The following ABTB3 variants were observed in gnomAD, a reference collection of about 807,000 sequenced individuals.
ABTB3 encodes the protein ankyrin repeat and BTB domain containing 3.
the ABTB3 span, among the ~76,000 whole-genome samples, chr12:107,468,094 T>C: frequency 1.7e-3 from 256 of 152,240 alleles, 1 homozygote; most frequent in African/African-American, 5.7e-3. Flanking sequence ...ACGCCAGTCA[T>C]CCTCTGCTCC....
chr12:107,505,767 T>C, the ABTB3 span, among the ~76,000 whole-genome samples: 2 of 152,166 alleles, frequency 1.3e-5, no homozygotes, highest in African/African-American at 4.8e-5. Flanking sequence ...CTCCCACTTA[T>C]AAAGTGAGAA....
chr12:107,502,575 T>C, the ABTB3 span, among the ~76,000 whole-genome samples: 6 of 127,610 alleles, frequency 4.7e-5, no homozygotes, highest in East Asian at 9.8e-4. Context: ...TGAAGTGGAA[T>C]GTTTTAAATC....
the ABTB3 span, among the ~76,000 whole-genome samples, chr12:107,395,069 C>T: frequency 1.3e-5 from 2 of 152,202 alleles, no homozygotes; most frequent in Non-Finnish European, 2.9e-5. Context: ...CAGGTGCTCA[C>T]CCTCATCAGC....
chr12:107,623,407 C>T, the ABTB3 span, among the ~76,000 whole-genome samples: 1 of 142,396 alleles, frequency 7.0e-6, no homozygotes, highest in East Asian at 2.0e-4. Context: ...CACTCCGTCG[C>T]CCAGGCTGGA....
the ABTB3 span, among the ~76,000 whole-genome samples, chr12:107,361,139 C>T: frequency 1.4e-4 from 22 of 151,960 alleles, no homozygotes; most frequent in Non-Finnish European, 1.8e-4. Context: ...ATATTTCTGA[C>T]TACATGTACA....
At chr12:107,382,524 G>C in the ABTB3 span, among the ~76,000 whole-genome samples, 1 of 152,164 alleles carries the variant, frequency 6.6e-6, no homozygotes, top group Admixed American at 6.5e-5. Flanking sequence ...CTGAGACTTT[G>C]CTGAACTTGC....
chr12:107,621,254 C>CATTTG, the ABTB3 span, among the ~76,000 whole-genome samples: 547 of 152,290 alleles, frequency 3.6e-3, 5 homozygotes, highest in African/African-American at 0.013. Flanking sequence ...CAAGACCCAC[C>CATTTG]AGGACCCCAA....
chr12:107,556,018 T>C, the ABTB3 span, among the ~76,000 whole-genome samples: 1 of 152,200 alleles, frequency 6.6e-6, no homozygotes, highest in East Asian at 1.9e-4. Context: ...GCCAGGTGTT[T>C]ATGATGTGTC....
the ABTB3 span, among the ~76,000 whole-genome samples, chr12:107,519,598 G>A: frequency 2.8e-4 from 42 of 152,264 alleles, no homozygotes; most frequent in Non-Finnish European, 5.7e-4. Context: ...GATTATGGGC[G>A]TGAGCCACCA....
At chr12:107,398,822 C>T in the ABTB3 span, among the ~76,000 whole-genome samples, 2 of 152,182 alleles carry the variant, frequency 1.3e-5, no homozygotes, top group South Asian at 2.1e-4. Context: ...TTACAAAACA[C>T]GGTTTGGCTT....
chr12:107,476,166 C>A, the ABTB3 span, among the ~76,000 whole-genome samples: 1 of 152,134 alleles, frequency 6.6e-6, no homozygotes, highest in Non-Finnish European at 1.5e-5. Context: ...GCCTGGCCCC[C>A]GGCTACCTAG....
the ABTB3 span, among the ~76,000 whole-genome samples, chr12:107,501,267 A>G: frequency 6.6e-6 from 1 of 152,242 alleles, no homozygotes; most frequent in South Asian, 2.1e-4. Context: ...ATGGATGTGG[A>G]CATTCCGTAA....
At chr12:107,491,835 A>G in the ABTB3 span, among the ~76,000 whole-genome samples, 7,859 of 151,888 alleles carry the variant, frequency 0.052, 313 homozygotes, top group East Asian at 0.19. Flanking sequence ...AAAAAAAAAA[A>G]AAAAAAACCC....
the ABTB3 span, among the ~76,000 whole-genome samples, chr12:107,370,022 G>A: frequency 6.6e-6 from 1 of 152,124 alleles, no homozygotes; most frequent in African/African-American, 2.4e-5. Context: ...ATGATGATAT[G>A]TATCGCCTAG....
At chr12:107,578,426 G>A in the ABTB3 span, among the ~76,000 whole-genome samples, 1 of 85,506 alleles carries the variant, frequency 1.2e-5, no homozygotes, top group Non-Finnish European at 2.1e-5. Context: ...CTATTCTTTG[G>A]CATTCACCAG....
chr12:107,391,555 G>A, the ABTB3 span, among the ~76,000 whole-genome samples: 1 of 152,194 alleles, frequency 6.6e-6, no homozygotes, highest in Non-Finnish European at 1.5e-5. Context: ...TTCTACAGGT[G>A]GAGACCTCAA....
chr12:107,413,460 A>C, the ABTB3 span, among the ~76,000 whole-genome samples: 1 of 152,170 alleles, frequency 6.6e-6, no homozygotes, highest in East Asian at 1.9e-4. Context: ...TATTCATCCA[A>C]GCAGGACACT....
the ABTB3 span, among the ~76,000 whole-genome samples, chr12:107,469,898 CT>C: frequency 9.5e-6 from 1 of 105,620 alleles, no homozygotes; most frequent in South Asian, 3.0e-4. Context: ...TTCTTTCTTT[CT>C]TTCTTTCTTT....
the ABTB3 span, among the ~76,000 whole-genome samples, chr12:107,516,589 C>T: frequency 1.3e-5 from 2 of 152,170 alleles, no homozygotes; most frequent in Non-Finnish European, 2.9e-5. Flanking sequence ...GGGTTCCCTA[C>T]CCCGTTGTCT....
Sources: allele counts gnomAD v4.1 joint callset (sites outside exome capture counted in the v4.1 genomes callset), GRCh38; gene constraint gnomAD v4.1.1; transcripts MANE v1.5; gene names NCBI Gene and HGNC (gene_info 2026-07-23, HGNC 2026-07-21).